KAT14: variants seen among roughly 807,000 people sequenced by gnomAD.
The protein encoded by KAT14 is lysine acetyltransferase 14, also known as cysteine-rich protein 2-binding protein.
In KAT14, 66 loss-of-function variants were observed where a neutral mutation model predicts 78.4. The observed-to-expected ratio is 0.84, with a 90% CI of 0.69 to 1.03. KAT14 has a LOEUF of 1.03. Among genes scored for constraint, KAT14 ranks in the 50% least tolerant of loss-of-function variants. The probability of loss-of-function intolerance (pLI) is 0.00; values close to 1 mark genes in which losing one functional copy is unlikely to be tolerated. For synonymous variants in KAT14, 344 were observed against 359.4 expected (o/e 0.96, Z 0.48); for missense variants, 870 against 972.5 (o/e 0.89, Z 1.40).
intron 3 of KAT14, among the ~76,000 whole-genome samples, chr20:18,149,704 G>A (rs926047223): frequency 1.3e-5 from 2 of 152,160 alleles, no homozygotes; most frequent in Admixed American, 6.5e-5. Flanking sequence ...TGGGCGCAGT[G>A]GCTCACATCT....
chr20:18,185,951 G>A (rs1395821143), intron 10 of KAT14, among the ~76,000 whole-genome samples: 1 of 152,180 alleles, frequency 6.6e-6, no homozygotes, highest in East Asian at 1.9e-4. Context: ...GTTTTCTCTT[G>A]AGAGCTTCTC....
chr20:18,144,500 CAA>C (rs943238877), intron 2 of KAT14, among the ~76,000 whole-genome samples: 23 of 152,162 alleles, frequency 1.5e-4, no homozygotes, highest in African/African-American at 2.2e-4. Flanking sequence ...TCCCTATACA[CAA>C]AGAGACCCCT....
rs746500595 is a variant in KAT14, at chr20:18,142,681, G to C, written c.21G>C (p.Leu7=). Residue 7 remains leucine, a synonymous_variant, in exon 2 of 11, where the codon CTG becomes CTC. Transcript: ENST00000688188. MDSSIH[L]SSLISRHDDE... is the part of the protein sequence containing the mutation. ...AAGGGATGGATAGTAGCATCCACCT[G>C]AGTAGTCTGATCAGTCGGCATGATG... 2.1e-5 allele frequency: 34 copies of C among 1,614,064 alleles called. No homozygotes were observed. In the Admixed American group the frequency reaches 5.7e-4, roughly 27 times the overall value.
intron 1 of KAT14, 197 bp downstream of exon 1, chr20:18,138,248 GCGTGTGCAGCCCGCAGATTCAGGA>G: frequency 8.1e-7 from 1 of 1,240,780 alleles, no homozygotes; most frequent in Non-Finnish European, 1.0e-6. Flanking sequence ...CTCCCGGCGG[GCGTGTGCAGCCCGCAGATTCAGGA>G]CGACCCGGCT....
At chr20:18,170,331 G>A (rs1378613492) in intron 7 of KAT14, among the ~76,000 whole-genome samples, 1 of 152,194 alleles carries the variant, frequency 6.6e-6, no homozygotes, top group Non-Finnish European at 1.5e-5. Flanking sequence ...TGTCTTGTTA[G>A]GGATTAATGC....
rs2039392122 is a variant in KAT14, at chr20:18,184,639, C to G, written c.2019C>G (p.Phe673Leu). ...DLSECLQYPD[F>L]SVVVLYKKVI... The stretch of plus-strand genomic sequence containing the variant: ...CTGAGTGTCTGCAGTACCCAGACTT[C>G]AGTGTTGTTGTTCTTTATAAAAAAG... The change falls in exon 10 of 11, where the codon TTC becomes TTG. Residue 673 changes from phenylalanine to leucine, a missense_variant. Physicochemically the swap from Phe to Leu is conservative, Grantham distance 22. Transcript: ENST00000688188. The G allele has an allele frequency of 6.2e-7, 1 of 1,613,486 alleles. No individual in the cohort carries two copies. Among genetic ancestry groups the G allele is most frequent in the Non-Finnish European group, 8.5e-7 (1 of 1,179,900 alleles).
intron 1 of KAT14, 154 bp downstream of exon 1, chr20:18,138,205 G>T: frequency 7.9e-7 from 1 of 1,268,588 alleles, no homozygotes; most frequent in Non-Finnish European, 9.9e-7. Context: ...GGCTGCGGCC[G>T]GCGGCCGCTC....
chr20:18,175,032 G>A (rs1235341447), intron 7 of KAT14, among the ~76,000 whole-genome samples: 1 of 151,668 alleles, frequency 6.6e-6, no homozygotes, highest in East Asian at 1.9e-4. Context: ...CCCCCTTAGT[G>A]TTTTCAGCTA....
Position 18,187,819 on chromosome 20 carries a change from TGTG to T in KAT14, c.*364_*366del. 3.6e-6 allele frequency: 1 copy of T among 275,030 alleles called. No individual in the cohort carries two copies. Among genetic ancestry groups the T allele is most frequent in the South Asian group, 4.0e-5 (1 of 24,940 alleles). 17.0% of individuals were successfully genotyped at this position (275,030 alleles called of 1,614,324 possible). A position where few individuals can be genotyped will look rare whatever the true frequency, so the allele number is the denominator to read the frequency against. ...TGTCATAACTTAAAGGATGAGAAAA[TGTG>T]GTGTAGCTATTAAAGATTCATGCAG... is the stretch of plus-strand genomic sequence containing the variant. On this transcript the variant is annotated 3_prime_UTR_variant, in exon 11 of 11. Coordinates refer to ENST00000688188, the MANE Select transcript of KAT14 (RefSeq NM_001392073.1).
At chr20:18,186,980 T>C (rs1297675784) in intron 10 of KAT14, among the ~76,000 whole-genome samples, 1 of 152,222 alleles carries the variant, frequency 6.6e-6, no homozygotes, top group Non-Finnish European at 1.5e-5. Flanking sequence ...GTTTGACATA[T>C]TTAAAGGTAA....
chr20:18,150,706 GCT>G, intron 3 of KAT14, 113 bp from the exon 4 acceptor site: 1 of 1,499,722 alleles, frequency 6.7e-7, no homozygotes, highest in Non-Finnish European at 9.0e-7. Flanking sequence ...TCCTTTGTTC[GCT>G]CTGTTCCCCA....
At chr20:18,149,776 C>G (rs150504437) in intron 3 of KAT14, among the ~76,000 whole-genome samples, 1 of 152,014 alleles carries the variant, frequency 6.6e-6, no homozygotes, top group East Asian at 1.9e-4. Context: ...AGTTTGAAAC[C>G]CTGTCTCTAC....
Position 18,169,912 on chromosome 20 carries a change from T to C in KAT14, c.1668+6967T>C, listed in dbSNP as rs558296860. 8.0e-4 allele frequency among the ~76,000 whole-genome samples: 122 copies of C among 152,278 alleles called. 1 individual carries two copies. Among genetic ancestry groups the C allele is most frequent in the African/African-American group, 2.9e-3 (119 of 41,558 alleles). ...AATCGAAGTAGCCTTATTGCTGATA[T>C]GGAGAAAGTTTGAGTGGTCTGGATA... On this transcript the variant is annotated intron_variant, in intron 7 of 10. Transcript: ENST00000688188.
chr20:18,151,411 G>C (rs1044684740), intron 4 of KAT14, among the ~76,000 whole-genome samples: 2 of 151,836 alleles, frequency 1.3e-5, no homozygotes, highest in Non-Finnish European at 2.9e-5. Context: ...TGGCCAGGCT[G>C]GTCTTGAACT....
chr20:18,149,712 T>A (rs2037965932), intron 3 of KAT14, among the ~76,000 whole-genome samples: 1 of 152,060 alleles, frequency 6.6e-6, no homozygotes, highest in Admixed American at 6.6e-5. Context: ...GTGGCTCACA[T>A]CTGTAATCCC....
chr20:18,154,312 C>T (rs1412840713), intron 4 of KAT14, among the ~76,000 whole-genome samples: 2 of 152,122 alleles, frequency 1.3e-5, no homozygotes, highest in African/African-American at 2.4e-5. Context: ...TATTTATTTA[C>T]TTACTTACTT....
At chr20:18,183,621 G>A (rs1223872769) in intron 9 of KAT14, 28 of 806,416 alleles carry the variant, frequency 3.5e-5, no homozygotes, top group Non-Finnish European at 3.9e-5. Context: ...TAGCTTGGGC[G>A]TGTTTGGACA....
upstream of KAT14, among the ~76,000 whole-genome samples, chr20:18,137,270 T>A (rs1000376615): frequency 6.6e-6 from 1 of 151,058 alleles, no homozygotes; most frequent in Non-Finnish European, 1.5e-5. Context: ...GCCTGGGCGA[T>A]AGACAGAGAC....
chr20:18,187,196 A>G (rs1454525203), intron 10 of KAT14, 90 bp from the exon 11 acceptor site: 24 of 1,471,920 alleles, frequency 1.6e-5, no homozygotes, highest in Non-Finnish European at 2.1e-5. Context: ...TTCCATAACT[A>G]ACTGCCTACA....
Sources: gnomAD v4.1 joint callset for allele counts (sites outside exome capture counted in the v4.1 genomes callset) on GRCh38, gnomAD v4.1.1 for gene constraint, MANE v1.5 for transcripts, NCBI Gene and HGNC (gene_info 2026-07-23, HGNC 2026-07-21) for gene names.